Variants in ZDHHC17 observed in about 807,000 individuals in gnomAD.
ZDHHC17 encodes palmitoyltransferase ZDHHC17.
A neutral mutation model predicts 90.3 loss-of-function variants in ZDHHC17; 40 were observed. The ratio of observed to expected loss-of-function variants is 0.44; its 90% CI spans 0.34 to 0.58. ZDHHC17 has a LOEUF of 0.58. ZDHHC17 is among the 20% of genes least tolerant of loss of function. The probability of loss-of-function intolerance (pLI) is 0.01; values close to 1 mark genes in which losing one functional copy is unlikely to be tolerated. For synonymous variants in ZDHHC17, 235 were observed against 252.4 expected (o/e 0.93, Z 0.65); for missense variants, 614 against 780.8 (o/e 0.79, Z 2.55).
rs531115647 is a variant in ZDHHC17 at position 76,815,837 on chromosome 12, T to G, written c.609-20T>G. 1.9e-4 allele frequency: 275 copies of G among 1,463,302 alleles called. 1 individual carries two copies. The highest frequency in any genetic ancestry group is 8.4e-4 in the African/African-American group (58 of 69,280). The allele number at this position is 1,463,302 out of a possible 1,614,324, so 90.6% of individuals were successfully genotyped here. On this transcript the variant is annotated intron_variant, in intron 6 of 16. Coordinates refer to ENST00000426126, the MANE Select transcript of ZDHHC17 (RefSeq NM_015336.4). ...TTAGGGTTGTTGTTGTTGTTTGTTT[T>G]TTTTTTTTTTCCTTTTCAGTGTGGA... is the stretch of plus-strand genomic sequence containing the variant.
intron 1 of ZDHHC17, among the ~76,000 whole-genome samples, chr12:76,766,786 G>T (rs1158461795): frequency 6.8e-6 from 1 of 147,922 alleles, no homozygotes; most frequent in Non-Finnish European, 1.5e-5. Context: ...TTGGGAAGCC[G>T]AGGTGAGAGA....
At chr12:76,778,813 A>G (rs190546708) in intron 1 of ZDHHC17, among the ~76,000 whole-genome samples, 112 of 152,338 alleles carry the variant, frequency 7.4e-4, no homozygotes, top group African/African-American at 2.5e-3. Flanking sequence ...CCATAACAGA[A>G]TGCTACAAAC....
At chr12:76,812,605 A>AT (rs914874893) in intron 5 of ZDHHC17, among the ~76,000 whole-genome samples, 5 of 151,598 alleles carry the variant, frequency 3.3e-5, no homozygotes, top group African/African-American at 1.2e-4. Context: ...TTTTTACTAC[A>AT]TTTTTATTAC....
chr12:76,786,923 G>A (rs1296318173), intron 1 of ZDHHC17, among the ~76,000 whole-genome samples: 1 of 152,142 alleles, frequency 6.6e-6, no homozygotes, highest in Non-Finnish European at 1.5e-5. Flanking sequence ...CGAAGATGGG[G>A]TTTTTGCACT....
intron 1 of ZDHHC17, among the ~76,000 whole-genome samples, chr12:76,787,835 A>T (rs770262920): frequency 1.3e-5 from 2 of 152,256 alleles, no homozygotes; most frequent in Non-Finnish European, 2.9e-5. Context: ...AGATCCATTT[A>T]CACACTACTT....
intron 2 of ZDHHC17, among the ~76,000 whole-genome samples, chr12:76,801,655 A>G (rs1952892666): frequency 6.6e-6 from 1 of 152,110 alleles, no homozygotes; most frequent in Admixed American, 6.6e-5. Context: ...CTCTGTCTCA[A>G]AAAAGAAAAA....
rs1565811722 is a variant in ZDHHC17, at chr12:76,849,335, A to AAAAC, written c.1666-38_1666-37insCAAA. The AAAAC allele has an allele frequency of 3.6e-6, 4 of 1,119,042 alleles. No individual in the cohort carries two copies. The East Asian group carries it at 1.1e-4, about 30-fold the overall frequency. 69.3% of individuals were successfully genotyped at this position (1,119,042 alleles called of 1,614,324 possible). A position where few individuals can be genotyped will look rare whatever the true frequency, so the allele number is the denominator to read the frequency against. On this transcript the variant is annotated intron_variant, in intron 15 of 16. Coordinates refer to ENST00000426126, the MANE Select transcript of ZDHHC17 (RefSeq NM_015336.4). ...CAAGGTCCTGTCTCAAAAAAAAAAA[A>AAAAC]AAAAAACAAGAATAATGGTTTGCTT... is the stretch of plus-strand genomic sequence containing the variant.
At chr12:76,848,985 A>G (rs1228023411) in intron 15 of ZDHHC17, among the ~76,000 whole-genome samples, 1 of 151,576 alleles carries the variant, frequency 6.6e-6, no homozygotes, top group Non-Finnish European at 1.5e-5. Flanking sequence ...AAGTATTTAG[A>G]AAGAATAATG....
At chr12:76,809,404 A>AT (rs1952994304) in intron 4 of ZDHHC17, among the ~76,000 whole-genome samples, 1 of 152,124 alleles carries the variant, frequency 6.6e-6, no homozygotes, top group African/African-American at 2.4e-5. Context: ...TATATTTACA[A>AT]TGAAAGAATT....
At chr12:76,786,138 A>G (rs1273664281) in intron 1 of ZDHHC17, among the ~76,000 whole-genome samples, 1 of 150,142 alleles carries the variant, frequency 6.7e-6, no homozygotes, top group Admixed American at 6.6e-5. Flanking sequence ...TTTTTTTTAA[A>G]GAGATGGGAT....
chr12:76,831,147 G>A (rs935011458), intron 10 of ZDHHC17, among the ~76,000 whole-genome samples: 2 of 152,110 alleles, frequency 1.3e-5, no homozygotes, highest in African/African-American at 4.8e-5. Flanking sequence ...TCTGTAAAGG[G>A]GAGATAATAG....
intron 11 of ZDHHC17, 127 bp downstream of exon 11, chr12:76,842,233 T>G (rs1334847374): frequency 9.7e-7 from 1 of 1,030,922 alleles, no homozygotes; most frequent in Non-Finnish European, 1.3e-6. Context: ...AAATTGAGAT[T>G]ATGTATCTTT....
At position 76,851,121 on chromosome 12, in the gene ZDHHC17, T is replaced by C; in HGVS notation, c.*136T>C. On this transcript the variant is annotated 3_prime_UTR_variant, in exon 17 of 17. Transcript: ENST00000426126. Reference sequence around the variant, plus strand: ...AGGGCTAATGGTGAATTTTACAGTCTTTTTTTCAACACTTTTATTAACAAA... The same window carrying C: ...AGGGCTAATGGTGAATTTTACAGTCCTTTTTTCAACACTTTTATTAACAAA... 1 of 1,044,220 alleles carries C rather than the reference T, an allele frequency of 9.6e-7. No individual in the cohort carries two copies. Among genetic ancestry groups the C allele is most frequent in the Non-Finnish European group, 1.3e-6 (1 of 744,582 alleles). The allele number at this position is 1,044,220 out of a possible 1,614,324, so 64.7% of individuals were successfully genotyped here.
At position 76,805,238 on chromosome 12, in the gene ZDHHC17, AT is replaced by A; in HGVS notation, c.198-75del. 2.3e-6 allele frequency: 3 copies of A among 1,286,750 alleles called. No homozygotes were observed. The African/African-American group carries it at 4.4e-5, about 19-fold the overall frequency. The allele number at this position is 1,286,750 out of a possible 1,614,324, so 79.7% of individuals were successfully genotyped here. On this transcript the variant is annotated intron_variant, in intron 2 of 16. Transcript: ENST00000426126. ...TTTCCTAGTATCAAAATGAGGAATTATTTTCATCTCAAAATGTTATTTTTAA... is the reference window on the plus strand; with the variant it reads ...TTTCCTAGTATCAAAATGAGGAATTATTTCATCTCAAAATGTTATTTTTAA...
chr12:76,798,245 C>T (rs1448573332), intron 2 of ZDHHC17, among the ~76,000 whole-genome samples: 2 of 152,096 alleles, frequency 1.3e-5, no homozygotes, highest in Non-Finnish European at 2.9e-5. Flanking sequence ...AGGGAAATAT[C>T]ACAGTTTTCT....
intron 1 of ZDHHC17, among the ~76,000 whole-genome samples, chr12:76,791,893 A>G (rs1287214575): frequency 1.3e-5 from 2 of 152,184 alleles, no homozygotes; most frequent in Non-Finnish European, 2.9e-5. Flanking sequence ...TATAAAGGAT[A>G]CAACTCAGGA....
chr12:76,802,873 A>G (rs1952908278), intron 2 of ZDHHC17, among the ~76,000 whole-genome samples: 1 of 152,226 alleles, frequency 6.6e-6, no homozygotes, highest in East Asian at 1.9e-4. Flanking sequence ...AAAGTGGTAC[A>G]TATTCAGTAG....
At chr12:76,798,208 T>C (rs552370790) in intron 2 of ZDHHC17, among the ~76,000 whole-genome samples, 1 of 152,308 alleles carries the variant, frequency 6.6e-6, no homozygotes, top group East Asian at 1.9e-4. Context: ...GTAGTTAATG[T>C]CATATTTACT....
intron 1 of ZDHHC17, 160 bp downstream of exon 1, chr12:76,764,489 A>G: frequency 3.0e-6 from 2 of 675,456 alleles, no homozygotes; most frequent in South Asian, 3.9e-5. Context: ...CTGCGAGCGG[A>G]TAACGGGGGA....
Sources: allele counts gnomAD v4.1 joint callset (sites outside exome capture counted in the v4.1 genomes callset), GRCh38; gene constraint gnomAD v4.1.1; transcripts MANE v1.5; gene names NCBI Gene and HGNC (gene_info 2026-07-23, HGNC 2026-07-21).